Variants in TENM4 observed in about 807,000 individuals in gnomAD.
TENM4 encodes teneurin-4.
TENM4 carries 82 observed loss-of-function variants against 243.3 expected under a neutral mutation model. That is an observed-to-expected ratio of 0.34 (90% CI 0.28 to 0.40). The LOEUF (loss-of-function observed/expected upper bound fraction) is 0.40, where lower values mean the gene tolerates loss of function less well. Among genes scored for constraint, TENM4 ranks in the 10% least tolerant of loss-of-function variants. The pLI, the probability that TENM4 is intolerant of heterozygous loss-of-function variation, is 1.00. For synonymous variants in TENM4, 1,412 were observed against 1,456.3 expected (o/e 0.97, Z 0.69); for missense variants, 3,138 against 3,673.3 (o/e 0.85, Z 3.77).
At chr11:79,422,879 T>C (rs975233768) in intron 1 of TENM4, among the ~76,000 whole-genome samples, 5 of 152,176 alleles carry the variant, frequency 3.3e-5, no homozygotes, top group Non-Finnish European at 5.9e-5. Context: ...AGGCATTTGC[T>C]TGTCACCTCT....
intron 1 of TENM4, among the ~76,000 whole-genome samples, chr11:79,388,888 C>T (rs776899496): frequency 6.6e-6 from 1 of 152,184 alleles, no homozygotes; most frequent in African/African-American, 2.4e-5. Context: ...TGGAGGAAAA[C>T]TGGGATGTGT....
intron 6 of TENM4, among the ~76,000 whole-genome samples, chr11:78,968,482 C>T (rs888317750): frequency 1.3e-5 from 2 of 152,092 alleles, no homozygotes; most frequent in Non-Finnish European, 1.5e-5. Flanking sequence ...GACGAGGTTT[C>T]GCCAGGTTGC....
At chr11:78,724,601 T>C (rs1354936845) in intron 23 of TENM4, among the ~76,000 whole-genome samples, 3 of 152,340 alleles carry the variant, frequency 2.0e-5, no homozygotes, top group South Asian at 2.1e-4. Flanking sequence ...CAAGTTCTTA[T>C]ATACACATGG....
chr11:79,186,899 G>A (rs1019014613), intron 3 of TENM4, among the ~76,000 whole-genome samples: 11 of 152,118 alleles, frequency 7.2e-5, no homozygotes, highest in African/African-American at 2.4e-4. Flanking sequence ...CTCGGAGCCC[G>A]ATTCTCTGGC....
intron 6 of TENM4, among the ~76,000 whole-genome samples, chr11:79,028,317 C>T (rs140033791): frequency 6.6e-6 from 1 of 152,332 alleles, no homozygotes; most frequent in Non-Finnish European, 1.5e-5. Context: ...TATGCTTGTC[C>T]TAGGTCAGCT....
chr11:79,419,270 C>T lies in TENM4; in HGVS notation c.-321+21239G>A, dbSNP rs115900659. On this transcript the variant is annotated intron_variant, in intron 1 of 33. Transcript: ENST00000278550. ...AGAACTGAGGGCACCTCCCTCTACC[C>T]GCTGAGTCAGTGGCCTTTGTCTGCT... 1.0e-2 allele frequency among the ~76,000 whole-genome samples: 1,516 copies of T among 152,286 alleles called. 20 individuals are homozygous for T. The highest frequency in any genetic ancestry group is 0.034 in the African/African-American group (1,418 of 41,556).
At chr11:79,028,431 G>A (rs187851466) in intron 6 of TENM4, among the ~76,000 whole-genome samples, 130 of 152,350 alleles carry the variant, frequency 8.5e-4, no homozygotes, top group African/African-American at 3.1e-3. Flanking sequence ...TGGGCAGAGG[G>A]AGAACTTGAG....
intron 4 of TENM4, among the ~76,000 whole-genome samples, chr11:79,087,763 G>A (rs1860843929): frequency 6.6e-6 from 1 of 152,216 alleles, no homozygotes; most frequent in African/African-American, 2.4e-5. Flanking sequence ...CTCTGCACTG[G>A]GGGTGAAGGA....
At chr11:78,734,360 T>C (rs775979765) in intron 20 of TENM4, among the ~76,000 whole-genome samples, 1 of 152,146 alleles carries the variant, frequency 6.6e-6, no homozygotes, top group Non-Finnish European at 1.5e-5. Flanking sequence ...CAGTTCCTTC[T>C]ATAGAACCAC....
intron 1 of TENM4, among the ~76,000 whole-genome samples, chr11:79,350,219 C>T (rs1426447325): frequency 6.6e-6 from 1 of 152,176 alleles, no homozygotes; most frequent in Non-Finnish European, 1.5e-5. Flanking sequence ...AAAAAGGTCT[C>T]CAACCTCCCA....
intron 1 of TENM4, among the ~76,000 whole-genome samples, chr11:79,340,683 T>C (rs997594744): frequency 3.3e-5 from 5 of 152,186 alleles, no homozygotes; most frequent in Non-Finnish European, 5.9e-5. Flanking sequence ...TTTCCTTCTA[T>C]GCCTTGGTGC....
chr11:79,375,598 C>A lies in TENM4; in HGVS notation c.-321+64911G>T, dbSNP rs181442634. On this transcript the variant is annotated intron_variant, in intron 1 of 33. Transcript: ENST00000278550. ...TTATTTGATTTTGTTATTATTATTTCTTTCACTCAACATATATCTAACACA... is the reference window on the plus strand; with the variant it reads ...TTATTTGATTTTGTTATTATTATTTATTTCACTCAACATATATCTAACACA... Among the ~76,000 whole-genome samples the A allele has an allele frequency of 2.0e-5, 3 of 152,252 alleles. No homozygotes were observed. In the East Asian group the frequency reaches 5.8e-4, roughly 29 times the overall value.
intron 3 of TENM4, among the ~76,000 whole-genome samples, chr11:79,187,155 C>A (rs1863394781): frequency 6.6e-6 from 1 of 152,158 alleles, no homozygotes; most frequent in Non-Finnish European, 1.5e-5. Flanking sequence ...TATGTTTTTG[C>A]TGTTGAACTC....
intron 9 of TENM4, among the ~76,000 whole-genome samples, chr11:78,880,824 C>A (rs565400820): frequency 6.6e-6 from 1 of 152,244 alleles, no homozygotes; most frequent in African/African-American, 2.4e-5. Context: ...TAAATCACTT[C>A]TTTACTATAT....
At position 78,805,319 on chromosome 11, in the gene TENM4, T is replaced by C. The variant is rs750793566; in HGVS notation, c.2152A>G (p.Ser718Gly). The C allele has an allele frequency of 3.0e-6, 3 of 987,920 alleles. No homozygotes were observed. The highest frequency in any genetic ancestry group is 3.7e-6 in the Non-Finnish European group (3 of 815,816). 61.2% of individuals were successfully genotyped at this position (987,920 alleles called of 1,614,324 possible). Residue 718 changes from serine (S) to glycine (G), a missense_variant, in exon 15 of 34, where the codon AGC (serine) becomes GGC (glycine). Around this residue, in one of 2 missense-constraint regions of TENM4, gnomAD observed 2,467 missense variants for 3,059.1 expected, o/e 0.81. Transcript: ENST00000278550. ...PDTGLCSCDP[S>G]WTGHDCSIEI... ...ATAGAACAGTCGTGTCCAGTCCAGC[T>C]TGGGTCACAGCTGCAAAGCCCGGTG...
intron 17 of TENM4, among the ~76,000 whole-genome samples, chr11:78,775,452 G>T (rs188187159): frequency 4.5e-4 from 68 of 152,320 alleles, no homozygotes; most frequent in Non-Finnish European, 8.2e-4. Context: ...CACAAATGTG[G>T]AAATCCACAG....
At chr11:79,222,011 A>G (rs1214586694) in intron 2 of TENM4, among the ~76,000 whole-genome samples, 1 of 152,258 alleles carries the variant, frequency 6.6e-6, no homozygotes, top group Non-Finnish European at 1.5e-5. Context: ...TGAACACACG[A>G]GTGGTCCTCA....
At chr11:79,196,684 CTCT>C (rs1407797392) in intron 3 of TENM4, among the ~76,000 whole-genome samples, 1 of 152,128 alleles carries the variant, frequency 6.6e-6, no homozygotes, top group African/African-American at 2.4e-5. Context: ...GGGGTGCATT[CTCT>C]TCTTAACAGG....
At chr11:79,312,985 C>T (rs1331963949) in intron 1 of TENM4, among the ~76,000 whole-genome samples, 1 of 152,208 alleles carries the variant, frequency 6.6e-6, no homozygotes, top group Non-Finnish European at 1.5e-5. Context: ...CCTAATTCTA[C>T]ATTCATTAAG....
Sources: allele counts gnomAD v4.1 joint callset (sites outside exome capture counted in the v4.1 genomes callset), GRCh38; gene constraint gnomAD v4.1.1; regional missense constraint gnomAD v4.1.1; transcripts MANE v1.5; gene names NCBI Gene and HGNC (gene_info 2026-07-23, HGNC 2026-07-21).